The following CLCN4 variants were observed in gnomAD, a reference collection of about 807,000 sequenced individuals.
The protein encoded by CLCN4 is H(+)/Cl(-) exchange transporter 4.
Under a neutral mutation model 41.7 loss-of-function variants are expected in CLCN4, and 1 was observed. That is an observed-to-expected ratio of 0.02 (90% CI 0.01 to 0.11). CLCN4 has a LOEUF of 0.11. CLCN4 is among the 10% of genes least tolerant of loss of function. The pLI, the probability that CLCN4 is intolerant of heterozygous loss-of-function variation, is 1.00. For synonymous variants in CLCN4, 277 were observed against 285.8 expected, an observed-to-expected ratio of 0.97 and a Z score of 0.31; for missense variants, 287 against 661.0, an observed-to-expected ratio of 0.43 and a Z score of 6.20.
intron 2 of CLCN4, among the ~76,000 whole-genome samples, chrX:10,172,013 C>A (rs977780170): frequency 4.5e-5 from 5 of 112,149 alleles, no homozygotes; most frequent in Non-Finnish European, 9.4e-5. Context: ...GCACAGTGAG[C>A]CACTCTTACC....
intron 6 of CLCN4, 115 bp from the exon 7 acceptor site, chrX:10,206,243 C>A: frequency 2.0e-6 from 1 of 506,515 alleles, no homozygotes; most frequent in Non-Finnish European, 3.4e-6. Flanking sequence ...GGTTTCTGTT[C>A]CATGCTATTG....
chrX:10,157,886 A>G (rs1475183673), intron 1 of CLCN4, among the ~76,000 whole-genome samples: 1 of 112,801 alleles, frequency 8.9e-6, no homozygotes, highest in Non-Finnish European at 1.9e-5. Context: ...TAGTAGAAAT[A>G]CGTGGTGTCA....
In CLCN4 at chrX:10,169,667, G is replaced by A. The variant is rs183584103; in HGVS notation, c.-12+11116G>A. Among the ~76,000 whole-genome samples, 417 of 111,087 alleles carry A rather than the reference G, an allele frequency of 3.8e-3. 5 individuals carry two copies. Among genetic ancestry groups the A allele is most frequent in the African/African-American group, 0.012 (370 of 30,538 alleles). ...ATAAAACTGGTGGGTGATGGTGGAC[G>A]TTTCAAAACCACTCACGTGTGACAT... On this transcript the variant is annotated intron_variant, in intron 2 of 12. Transcript: ENST00000380833.
intron 2 of CLCN4, among the ~76,000 whole-genome samples, chrX:10,162,680 T>G (rs935574684): frequency 2.7e-5 from 3 of 112,554 alleles, no homozygotes; most frequent in Admixed American, 1.9e-4. Flanking sequence ...TCGCATGTCA[T>G]GTAGCCTCTG....
chrX:10,183,687 G>A (rs1923741000), intron 2 of CLCN4, among the ~76,000 whole-genome samples: 1 of 112,114 alleles, frequency 8.9e-6, no homozygotes, highest in Admixed American at 9.5e-5. Context: ...CTGTAAATCA[G>A]GCTCTGATGG....
intron 2 of CLCN4, among the ~76,000 whole-genome samples, chrX:10,168,201 G>C (rs1415048538): frequency 1.8e-5 from 2 of 112,106 alleles, no homozygotes; most frequent in African/African-American, 3.2e-5. Flanking sequence ...TAGCCTGGAG[G>C]CTTCAGTAAA....
Position 10,208,352 on chromosome X carries a change from C to T in CLCN4, c.1151C>T (p.Ala384Val), listed in dbSNP as rs770989285. ...GTGACTGCCATCACTGCCATCATTG[C>T]CTACCCCAATCCCTACACACGCCAG... ...IVVTAITAII[A>V]YPNPYTRQST... The change falls in exon 9 of 13, where the codon GCC becomes GTC. Residue 384 changes from alanine to valine, a missense_variant. Transcript: ENST00000380833. 3 of 1,208,769 alleles carry T rather than the reference C, an allele frequency of 2.5e-6. No homozygotes were observed. The highest frequency in any genetic ancestry group is 3.4e-6 in the Non-Finnish European group (3 of 894,930).
At chrX:10,165,519 G>A (rs1383502788) in intron 2 of CLCN4, among the ~76,000 whole-genome samples, 1 of 111,374 alleles carries the variant, frequency 9.0e-6, no homozygotes, top group Non-Finnish European at 1.9e-5. Context: ...CTACCCCAAC[G>A]CTGTGTTTCC....
intron 12 of CLCN4, among the ~76,000 whole-genome samples, chrX:10,224,297 T>C (rs1252552217): frequency 1.1e-5 from 1 of 93,492 alleles, no homozygotes; most frequent in African/African-American, 4.4e-5. Flanking sequence ...GGGTTCCGTG[T>C]GTGTGTGTGT....
chrX:10,160,440 A>G (rs1923062811), intron 2 of CLCN4, among the ~76,000 whole-genome samples: 1 of 109,220 alleles, frequency 9.2e-6, no homozygotes. Flanking sequence ...GGGAAAGAGG[A>G]AAAAAACAGA....
At chrX:10,201,271 C>T (rs763355698) in intron 6 of CLCN4, among the ~76,000 whole-genome samples, 7 of 111,743 alleles carry the variant, frequency 6.3e-5, no homozygotes, top group South Asian at 3.7e-4. Context: ...CATGGGTACT[C>T]GCTTTTATTA....
At chrX:10,204,796 C>A (rs188402168) in intron 6 of CLCN4, among the ~76,000 whole-genome samples, 156 of 109,751 alleles carry the variant, frequency 1.4e-3, no homozygotes, top group African/African-American at 4.7e-3. Context: ...GGGGCAAACA[C>A]CTTTTTAGGG....
chrX:10,184,814 G>A (rs1923768332), intron 2 of CLCN4, among the ~76,000 whole-genome samples: 1 of 112,215 alleles, frequency 8.9e-6, no homozygotes, highest in Non-Finnish European at 1.9e-5. Context: ...CAGTAGTTCA[G>A]TATTCAGTAA....
intron 3 of CLCN4, among the ~76,000 whole-genome samples, chrX:10,186,414 G>A (rs1019155820): frequency 2.7e-5 from 3 of 111,437 alleles, no homozygotes; most frequent in Non-Finnish European, 5.7e-5. Flanking sequence ...TGTGACAAGA[G>A]GGGACCCTGC....
intron 2 of CLCN4, among the ~76,000 whole-genome samples, chrX:10,169,778 TTTC>T (rs1923341999): frequency 1.2e-5 from 1 of 85,212 alleles, no homozygotes; most frequent in Non-Finnish European, 2.1e-5. Flanking sequence ...TTTTTTTCTT[TTTC>T]TTTTCTTTTC....
At chrX:10,213,397 T>G (rs969734085) in intron 10 of CLCN4, among the ~76,000 whole-genome samples, 4 of 111,728 alleles carry the variant, frequency 3.6e-5, no homozygotes, top group Non-Finnish European at 7.5e-5. Flanking sequence ...CCATGTAGGA[T>G]CCACTCACCA....
chrX:10,220,934 TG>T, intron 12 of CLCN4, 57 bp downstream of exon 12: 13 of 979,704 alleles, frequency 1.3e-5, no homozygotes, highest in Admixed American at 2.2e-5. Flanking sequence ...GAGTGAGACA[TG>T]GTCTCAGCCC....
intron 12 of CLCN4, among the ~76,000 whole-genome samples, chrX:10,229,561 C>T (rs991922724): frequency 1.9e-5 from 2 of 103,975 alleles, no homozygotes; most frequent in Non-Finnish European, 3.9e-5. Context: ...CACCCCACTA[C>T]AGGCCCCGGT....
Position 10,233,894 on chromosome X carries a change from A to G in CLCN4, c.*310A>G. The G allele has an allele frequency of 5.4e-6, 1 of 184,663 alleles. No homozygotes were observed. Among genetic ancestry groups the G allele is most frequent in the Middle Eastern group, 1.9e-3 (1 of 518 alleles). 15.2% of individuals were successfully genotyped at this position (184,663 alleles called of 1,213,427 possible). ...ATCTGTACAAGTATGTGGAGCATGA[A>G]TGCTGACTCAAGAAACTTTTACTCC... On this transcript the variant is annotated 3_prime_UTR_variant, in exon 13 of 13. Transcript: ENST00000380833.
Sources: allele counts gnomAD v4.1 joint callset (sites outside exome capture counted in the v4.1 genomes callset), GRCh38; gene constraint gnomAD v4.1.1; transcripts MANE v1.5; gene names NCBI Gene and HGNC (gene_info 2026-07-23, HGNC 2026-07-21).